TIA1: variants seen among roughly 807,000 people sequenced by gnomAD.
TIA1 encodes the protein TIA1 cytotoxic granule associated RNA binding protein, also known as cytotoxic granule associated RNA binding protein TIA1.
In TIA1, 23 loss-of-function variants were observed where a neutral mutation model predicts 65.9. That is an observed-to-expected ratio of 0.35 (90% CI 0.25 to 0.49). TIA1 has a LOEUF of 0.49. Ranked by LOEUF, TIA1 falls within the 20% of genes least tolerant of loss-of-function variation. The probability of loss-of-function intolerance (pLI) is 0.98; values close to 1 mark genes in which losing one functional copy is unlikely to be tolerated. For synonymous variants in TIA1, 147 were observed against 149.4 expected (o/e 0.98, Z 0.12); for missense variants, 371 against 477.9 (o/e 0.78, Z 2.09).
At position 70,211,848 on chromosome 2, in the gene TIA1, T is replaced by C. The variant is rs1006436884; in HGVS notation, c.*871A>G. 2.0e-5 allele frequency: 3 copies of C among 152,578 alleles called. No homozygotes were observed. Among genetic ancestry groups the C allele is most frequent in the African/African-American group, 4.8e-5 (2 of 41,458 alleles). 9.5% of individuals were successfully genotyped at this position (152,578 alleles called of 1,614,324 possible). ...ACATTTTACATAATGAAATAATACA[T>C]GTAAATGTTGAAGTTGACACATGAA... On this transcript the variant is annotated 3_prime_UTR_variant, in exon 13 of 13. Coordinates refer to ENST00000433529, the MANE Select transcript of TIA1 (RefSeq NM_022173.4).
intron 2 of TIA1, among the ~76,000 whole-genome samples, chr2:70,232,527 T>C (rs1205284095): frequency 2.4e-4 from 18 of 75,858 alleles, no homozygotes; most frequent in African/African-American, 1.0e-3. Context: ...GCAACAAGAG[T>C]GAAACTCTGT....
intron 5 of TIA1, 163 bp downstream of exon 5, chr2:70,228,896 T>G (rs763227634): frequency 9.6e-6 from 14 of 1,461,774 alleles, no homozygotes; most frequent in Non-Finnish European, 1.3e-5. Flanking sequence ...GGACAAGTTA[T>G]ACTTGGTCAA....
At chr2:70,244,695 C>T (rs771091056) in intron 1 of TIA1, among the ~76,000 whole-genome samples, 3 of 151,650 alleles carry the variant, frequency 2.0e-5, no homozygotes, top group African/African-American at 4.8e-5. Context: ...ATTAGCCAGG[C>T]GTGGTGGCGG....
intron 1 of TIA1, 136 bp from the exon 2 acceptor site, chr2:70,236,311 GC>G: frequency 1.9e-6 from 1 of 538,900 alleles, no homozygotes; most frequent in Non-Finnish European, 3.3e-6. Flanking sequence ...TGATTCCCCT[GC>G]CTCAGCCTCC....
chr2:70,240,869 C>T (rs1171398812), intron 1 of TIA1, among the ~76,000 whole-genome samples: 2 of 151,772 alleles, frequency 1.3e-5, no homozygotes, highest in Non-Finnish European at 2.9e-5. Context: ...AAGACACTGC[C>T]CTCCCTGCCC....
Position 70,212,639 on chromosome 2 carries a change from G to A in TIA1, c.*80C>T, listed in dbSNP as rs867848399. On this transcript the variant is annotated 3_prime_UTR_variant, in exon 13 of 13. Transcript: ENST00000433529. ...ATCTGACATTTGCACTGACTGATTT[G>A]ATAAATCTTTAAGTAAACAACGGCT... 3.3e-5 allele frequency: 28 copies of A among 844,052 alleles called. No homozygotes were observed. The Middle Eastern group carries it at 2.0e-3, about 59-fold the overall frequency. 52.3% of individuals were successfully genotyped at this position (844,052 alleles called of 1,614,324 possible). A position where few individuals can be genotyped will look rare whatever the true frequency, so the allele number is the denominator to read the frequency against.
chr2:70,225,690 A>T (rs1006558631), intron 6 of TIA1, among the ~76,000 whole-genome samples: 1 of 152,206 alleles, frequency 6.6e-6, no homozygotes, highest in Non-Finnish European at 1.5e-5. Flanking sequence ...AATGACAAAG[A>T]CGTGGTGGTG....
At chr2:70,231,348 G>T (rs1425416002) in intron 2 of TIA1, among the ~76,000 whole-genome samples, 2 of 151,864 alleles carry the variant, frequency 1.3e-5, no homozygotes, top group African/African-American at 4.8e-5. Context: ...TGTAGTCCCA[G>T]CTACTTTAGG....
rs918598537 is a variant in TIA1 at position 70,227,795 on chromosome 2, A to G, written c.338T>C (p.Leu113Pro). Reference protein sequence around the residue: ...QDHFHVFVGDLSPEITTEDIK... With the variant: ...QDHFHVFVGDPSPEITTEDIK... ...ATCTTCAGTTGTAATTTCTGGGCTG[A>G]GATCACCAACAAAGACATGGAAATG... Residue 113 changes from leucine to proline, a missense_variant, in exon 6 of 13, where the codon CTC (leucine) becomes CCC (proline). Physicochemically the swap from Leu to Pro is moderately conservative, Grantham distance 98. Transcript: ENST00000433529. 6.3e-7 allele frequency: 1 copy of G among 1,598,942 alleles called. No individual in the cohort carries two copies. Among genetic ancestry groups the G allele is most frequent in the Non-Finnish European group, 8.5e-7 (1 of 1,170,658 alleles).
At chr2:70,216,622 A>G in intron 8 of TIA1, 123 bp from the exon 9 acceptor site, 8 of 1,290,620 alleles carry the variant, frequency 6.2e-6, no homozygotes, top group Middle Eastern at 2.3e-4. Flanking sequence ...TATATTACAC[A>G]TATTATACTT....
chr2:70,221,135 T>C (rs1047678451), intron 7 of TIA1, among the ~76,000 whole-genome samples: 3 of 152,016 alleles, frequency 2.0e-5, no homozygotes, highest in Non-Finnish European at 4.4e-5. Context: ...GCCTCCTGAG[T>C]AGCCGTGATT....
upstream of TIA1, chr2:70,248,689 T>C (rs1243489005): frequency 3.5e-6 from 2 of 564,738 alleles, no homozygotes; most frequent in Admixed American, 3.0e-5. Flanking sequence ...CAGAATAATC[T>C]TGCACTCTCA....
In TIA1 at chr2:70,211,931, T is replaced by TG. The variant is rs1376136534; in HGVS notation, c.*787dup. 1 of 152,562 alleles carries TG rather than the reference T, an allele frequency of 6.6e-6. No homozygotes were observed. The highest frequency in any genetic ancestry group is 1.5e-5 in the Non-Finnish European group (1 of 68,042). The allele number at this position is 152,562 out of a possible 1,614,324, so 9.5% of individuals were successfully genotyped here. ...GATATTTTCTTTAGTAACAAGTTTT[T>TG]GTTTTTATAGTTCCTGGTACACAGC... On this transcript the variant is annotated 3_prime_UTR_variant, in exon 13 of 13. Transcript: ENST00000433529.
intron 1 of TIA1, among the ~76,000 whole-genome samples, chr2:70,245,737 T>C (rs1320751385): frequency 1.3e-5 from 2 of 152,130 alleles, no homozygotes; most frequent in African/African-American, 4.8e-5. Context: ...AAAGTATTGG[T>C]GACAAGAAAT....
chr2:70,234,098 T>C (rs888252539), intron 2 of TIA1, among the ~76,000 whole-genome samples: 1 of 152,220 alleles, frequency 6.6e-6, no homozygotes. Context: ...GGGAAACATA[T>C]GACCAGCCAG....
chr2:70,225,750 T>C (rs1358142483), intron 6 of TIA1, among the ~76,000 whole-genome samples: 4 of 152,214 alleles, frequency 2.6e-5, no homozygotes, highest in East Asian at 3.8e-4. Context: ...AAATACTTAA[T>C]AAATTATCTG....
At chr2:70,246,883 GACTCCATCTCAAAAA>G (rs575625965) in intron 1 of TIA1, among the ~76,000 whole-genome samples, 69 of 152,252 alleles carry the variant, frequency 4.5e-4, no homozygotes, top group African/African-American at 6.7e-4. Context: ...GACAAAGTGA[GACTCCATCTCAAAAA>G]ATTAAAAAGT....
intron 1 of TIA1, among the ~76,000 whole-genome samples, chr2:70,242,110 T>A (rs1692062191): frequency 6.6e-6 from 1 of 152,058 alleles, no homozygotes; most frequent in African/African-American, 2.4e-5. Context: ...GATGGTAACA[T>A]TAAGGGATGC....
rs1332707387 is a variant in TIA1, at chr2:70,216,424, C to A, written c.659G>T (p.Gly220Val). ...CATACCTGTTAGCCCAGAAGTAACACCTCCACAGTATACAGTACAGTTGCT... is the reference window on the plus strand; with the variant it reads ...CATACCTGTTAGCCCAGAAGTAACAACTCCACAGTATACAGTACAGTTGCT... ...SPSNCTVYCG[G>V]VTSGLTEQLM... The change falls in exon 9 of 13, where the codon GGT becomes GTT. Residue 220 changes from glycine to valine, a missense_variant. Physicochemically the swap from Gly to Val is moderately radical, Grantham distance 109. Transcript: ENST00000433529. 1 of 1,612,962 alleles carries A rather than the reference C, an allele frequency of 6.2e-7. No individual in the cohort carries two copies. The highest frequency in any genetic ancestry group is 1.7e-5 in the Admixed American group (1 of 59,762).
Sources: gnomAD v4.1 joint callset for allele counts (sites outside exome capture counted in the v4.1 genomes callset) on GRCh38, gnomAD v4.1.1 for gene constraint, MANE v1.5 for transcripts, NCBI Gene and HGNC (gene_info 2026-07-23, HGNC 2026-07-21) for gene names.